The following COLGALT2 variants were observed in gnomAD, a reference collection of about 807,000 sequenced individuals.
COLGALT2 encodes the protein collagen beta(1-O)galactosyltransferase 2, also known as procollagen galactosyltransferase 2.
Under a neutral mutation model 73.4 loss-of-function variants are expected in COLGALT2, and 49 were observed. That is an observed-to-expected ratio of 0.67 (90% confidence interval 0.53 to 0.85). The LOEUF is 0.85. COLGALT2 is among the 40% of genes least tolerant of loss of function. COLGALT2 has a pLI of 0.00. For synonymous variants in COLGALT2, 295 were observed against 307.6 expected, an observed-to-expected ratio of 0.96 and a Z score of 0.43; for missense variants, 722 against 790.2, an observed-to-expected ratio of 0.91 and a Z score of 1.03.
chr1:183,940,824 G>A, intron 10 of COLGALT2, 37 bp from the exon 11 acceptor site: 1 of 1,540,062 alleles, frequency 6.5e-7, no homozygotes, highest in Non-Finnish European at 9.0e-7. Context: ...ATTCCACCTT[G>A]ACTATTATGC....
chr1:183,954,885 C>G, intron 6 of COLGALT2, 47 bp from the exon 7 acceptor site: 1 of 1,413,600 alleles, frequency 7.1e-7, no homozygotes, highest in Non-Finnish European at 1.0e-6. Flanking sequence ...ATGAAAGGGT[C>G]AGAAATCAGA....
chr1:183,956,940 A>G (rs911755793), intron 6 of COLGALT2, among the ~76,000 whole-genome samples: 3 of 152,134 alleles, frequency 2.0e-5, no homozygotes, highest in Non-Finnish European at 2.9e-5. Context: ...AAGGTTAGGT[A>G]TATCCTGGCT....
At chr1:183,968,499 T>C (rs1187196996) in intron 5 of COLGALT2, among the ~76,000 whole-genome samples, 2 of 152,230 alleles carry the variant, frequency 1.3e-5, no homozygotes, top group Admixed American at 1.3e-4. Flanking sequence ...AGGCTGAGAC[T>C]GTTCGGTGCC....
At chr1:184,033,784 G>A (rs953157097) in intron 1 of COLGALT2, among the ~76,000 whole-genome samples, 2 of 152,184 alleles carry the variant, frequency 1.3e-5, no homozygotes, top group African/African-American at 4.8e-5. Flanking sequence ...TGACCCATCT[G>A]GGACAGAAAT....
chr1:183,942,270 A>T (rs1283904943), intron 10 of COLGALT2, among the ~76,000 whole-genome samples: 1 of 152,084 alleles, frequency 6.6e-6, no homozygotes, highest in Non-Finnish European at 1.5e-5. Flanking sequence ...ACAGCTGAAA[A>T]TTTAGCTTCT....
intron 1 of COLGALT2, among the ~76,000 whole-genome samples, chr1:184,031,817 A>ATTCT (rs1553213525): frequency 1.4e-5 from 2 of 139,190 alleles, no homozygotes. Flanking sequence ...CCATGAATGT[A>ATTCT]TCCTTCCTTC....
chr1:183,970,340 G>A (rs1671003035), intron 4 of COLGALT2, among the ~76,000 whole-genome samples: 1 of 152,188 alleles, frequency 6.6e-6, no homozygotes, highest in South Asian at 2.1e-4. Context: ...AATGTTCTAG[G>A]TGATGGCAGG....
chr1:184,014,269 G>A (rs147409343), intron 1 of COLGALT2, among the ~76,000 whole-genome samples: 11 of 152,304 alleles, frequency 7.2e-5, no homozygotes, highest in East Asian at 3.9e-4. Context: ...AAGCCAAAGG[G>A]AAGACAGCAA....
intron 1 of COLGALT2, among the ~76,000 whole-genome samples, chr1:183,983,953 C>A (rs547682064): frequency 6.6e-6 from 1 of 152,346 alleles, no homozygotes; most frequent in Non-Finnish European, 1.5e-5. Flanking sequence ...AACTGGAAAA[C>A]CACAGATTGT....
At chr1:183,961,642 G>A (rs773099430) in intron 6 of COLGALT2, among the ~76,000 whole-genome samples, 1 of 152,152 alleles carries the variant, frequency 6.6e-6, no homozygotes, top group African/African-American at 2.4e-5. Context: ...CTTCAAAAGC[G>A]ACAGTGTCTA....
chr1:184,023,705 T>C (rs1339216131), intron 1 of COLGALT2, among the ~76,000 whole-genome samples: 1 of 151,744 alleles, frequency 6.6e-6, no homozygotes, highest in Non-Finnish European at 1.5e-5. Context: ...ATTTTGCATA[T>C]ATGATAAAAT....
At chr1:183,935,825 A>C, downstream of COLGALT2, 6 of 984,494 alleles carry the variant, frequency 6.1e-6, no homozygotes, top group Non-Finnish European at 6.0e-6. Flanking sequence ...AGCAATTGAC[A>C]ATCATATCTT....
intron 1 of COLGALT2, among the ~76,000 whole-genome samples, chr1:184,020,292 T>C (rs927958823): frequency 4.6e-5 from 7 of 152,198 alleles, no homozygotes; most frequent in Non-Finnish European, 7.4e-5. Flanking sequence ...GCAAATAATA[T>C]TTCATTCCAC....
At chr1:184,009,372 G>T (rs1672173633) in intron 1 of COLGALT2, among the ~76,000 whole-genome samples, 1 of 152,162 alleles carries the variant, frequency 6.6e-6, no homozygotes, top group Non-Finnish European at 1.5e-5. Flanking sequence ...TTGGAAAAGG[G>T]TGAGGTATAA....
At chr1:183,947,806 T>C (rs2102793478) in intron 8 of COLGALT2, among the ~76,000 whole-genome samples, 1 of 151,968 alleles carries the variant, frequency 6.6e-6, no homozygotes, top group African/African-American at 2.4e-5. Context: ...AAACCAAAAG[T>C]CAGTCCTCTG....
At chr1:184,013,085 C>A (rs749658728) in intron 1 of COLGALT2, among the ~76,000 whole-genome samples, 1 of 152,180 alleles carries the variant, frequency 6.6e-6, no homozygotes, top group Non-Finnish European at 1.5e-5. Context: ...GAGGCCAAGG[C>A]GGGTGGATCA....
intron 1 of COLGALT2, among the ~76,000 whole-genome samples, chr1:183,979,161 G>C (rs534462311): frequency 7.4e-4 from 113 of 152,230 alleles, no homozygotes; most frequent in African/African-American, 2.6e-3. Context: ...ACTTGTGCCT[G>C]TTCTACCCTG....
chr1:183,963,990 T>C lies in COLGALT2; in HGVS notation c.863A>G (p.His288Arg). The change falls in exon 6 of 12, where the codon CAC becomes CGC. Residue 288 changes from histidine to arginine, a missense_variant. By Grantham distance (29) the His-to-Arg change is conservative (BLOSUM62 0). Transcript: ENST00000361927. The stretch of plus-strand genomic sequence containing the variant: ...CAGGGGGATGGGCAGGTAGCCATAG[T>C]GCTCTCTGTTGCAGAGGTACATCTG... ...GIQMYLCNRE[H>R]YGYLPIPLKP... 6.2e-7 allele frequency: 1 copy of C among 1,613,548 alleles called. No homozygotes were observed. The highest frequency in any genetic ancestry group is 8.5e-7 in the Non-Finnish European group (1 of 1,179,706).
rs1669991964 is a variant in COLGALT2, at chr1:183,937,621, A to G, written c.*1140T>C. On this transcript the variant is annotated 3_prime_UTR_variant, in exon 12 of 12. Transcript: ENST00000361927. ...CCCCCCATCCACAGGCCTCCCCACA[A>G]GAGCCTGGCTGGGAAATTCAGGAGA... 2.0e-6 allele frequency: 2 copies of G among 985,394 alleles called. No homozygotes were observed. Among genetic ancestry groups the G allele is most frequent in the South Asian group, 4.7e-5 (1 of 21,280 alleles). The allele number at this position is 985,394 out of a possible 1,614,324, so 61.0% of individuals were successfully genotyped here.
Sources: gnomAD v4.1 joint callset for allele counts (sites outside exome capture counted in the v4.1 genomes callset) on GRCh38, gnomAD v4.1.1 for gene constraint, MANE v1.5 for transcripts, NCBI Gene and HGNC (gene_info 2026-07-23, HGNC 2026-07-21) for gene names.